The following DRICH1 variants were observed in gnomAD, a reference collection of about 807,000 sequenced individuals.
DRICH1 encodes the protein aspartate rich 1.
Under a neutral mutation model 39.5 loss-of-function variants are expected in DRICH1, and 38 were observed. That is an observed-to-expected ratio of 0.96 (90% CI 0.74 to 1.26). The LOEUF (loss-of-function observed/expected upper bound fraction) is 1.26. Ranked by LOEUF, DRICH1 falls within the 50% of genes most tolerant of loss-of-function variation. The pLI is 0.00. For synonymous variants in DRICH1, 84 were observed against 99.5 expected (o/e 0.84, Z 0.93); for missense variants, 279 against 270.4 (o/e 1.03, Z -0.22).
At chr22:23,590,234 G>A in the DRICH1 span, among the ~76,000 whole-genome samples, 10 of 151,518 alleles carry the variant, frequency 6.6e-5, no homozygotes, top group African/African-American at 2.2e-4. Context: ...TTCTAGCATC[G>A]TTGCATTGTA....
At chr22:23,601,660 G>C in the DRICH1 span, among the ~76,000 whole-genome samples, 2,039 of 150,654 alleles carry the variant, frequency 0.014, 14 homozygotes, top group Middle Eastern at 0.034. Flanking sequence ...TCTCCTGGCT[G>C]TGATCCGTTA....
the DRICH1 span, among the ~76,000 whole-genome samples, chr22:23,590,715 C>T: frequency 6.6e-6 from 1 of 152,326 alleles, no homozygotes; most frequent in Admixed American, 6.5e-5. Context: ...TCTCCCGCCT[C>T]AGCCTCCCAA....
At chr22:23,604,146 A>G (rs1926611226), downstream of DRICH1, among the ~76,000 whole-genome samples, 1 of 151,928 alleles carries the variant, frequency 6.6e-6, no homozygotes, top group African/African-American at 2.4e-5. Flanking sequence ...GGTCTCATCG[A>G]TTCCCTGCAA....
chr22:23,608,740 CCTGGTCAG>C lies in DRICH1; in HGVS notation c.*16_*23del. 1 of 1,557,396 alleles carries C rather than the reference CCTGGTCAG, an allele frequency of 6.4e-7. No individual in the cohort carries two copies. Among genetic ancestry groups the C allele is most frequent in the Non-Finnish European group, 8.7e-7 (1 of 1,149,478 alleles). On this transcript the variant is annotated 3_prime_UTR_variant, in exon 12 of 12. Transcript: ENST00000317749. ...GCTGGCCTGCCCTTTGGGTCAGCAC[CCTGGTCAG>C]CTCCACAGAAGGGCTTCACCCTGGA...
At chr22:23,602,999 A>G in the DRICH1 span, among the ~76,000 whole-genome samples, 1 of 146,606 alleles carries the variant, frequency 6.8e-6, no homozygotes, top group East Asian at 2.0e-4. Flanking sequence ...CTCCATGAAC[A>G]CATTTACTTT....
At chr22:23,612,974 T>C (rs1038629795) in intron 11 of DRICH1, among the ~76,000 whole-genome samples, 17 of 152,172 alleles carry the variant, frequency 1.1e-4, no homozygotes, top group African/African-American at 4.1e-4. Context: ...TGCTTAGGCC[T>C]ATACCCCTTG....
At chr22:23,598,446 G>T in the DRICH1 span, among the ~76,000 whole-genome samples, 1 of 152,066 alleles carries the variant, frequency 6.6e-6, no homozygotes, top group African/African-American at 2.4e-5. Flanking sequence ...CGTGTACAGA[G>T]GAGGAAACTG....
the DRICH1 span, among the ~76,000 whole-genome samples, chr22:23,584,015 T>G: frequency 4.6e-5 from 7 of 152,230 alleles, no homozygotes; most frequent in Admixed American, 1.3e-4. Flanking sequence ...ACCCTGCACC[T>G]GCCATGGCCT....
In DRICH1 at chr22:23,619,400, AGAAATG is replaced by A. The variant is rs1422874771; in HGVS notation, c.407-13_407-8del. On this transcript the variant is annotated splice_polypyrimidine_tract_variant and splice_region_variant and intron_variant, in intron 5 of 11. Coordinates refer to ENST00000317749, the MANE Select transcript of DRICH1 (RefSeq NM_016449.4). ...TCAAACCGGTAACAGCCACCTGCGGAGAAATGGAAAAGTTAATCTAAGACTTTAAGG... is the reference window on the plus strand; with the variant it reads ...TCAAACCGGTAACAGCCACCTGCGGAGAAAAGTTAATCTAAGACTTTAAGG... The A allele has an allele frequency of 1.3e-6, 1 of 780,390 alleles. No homozygotes were observed. The highest frequency in any genetic ancestry group is 2.4e-6 in the Non-Finnish European group (1 of 417,776). 48.3% of individuals were successfully genotyped at this position (780,390 alleles called of 1,614,324 possible).
chr22:23,583,183 G>A, the DRICH1 span: 2 of 152,232 alleles, frequency 1.3e-5, no homozygotes, highest in East Asian at 1.9e-4. Context: ...ACTTCTTGCT[G>A]GAAGTTTGGA....
chr22:23,582,560 T>TATTATTATTATTA, the DRICH1 span, among the ~76,000 whole-genome samples: 3 of 145,956 alleles, frequency 2.1e-5, no homozygotes, highest in East Asian at 3.9e-4. Context: ...AGGGGCTTAT[T>TATTATTATTATTA]ATTATTATTA....
the DRICH1 span, among the ~76,000 whole-genome samples, chr22:23,585,827 T>C: frequency 1.3e-5 from 2 of 152,310 alleles, no homozygotes; most frequent in African/African-American, 4.8e-5. Flanking sequence ...CGGCCATATA[T>C]TGGTTATTGA....
intron 3 of DRICH1, among the ~76,000 whole-genome samples, chr22:23,623,034 C>T (rs1927855709): frequency 6.6e-6 from 1 of 152,086 alleles, no homozygotes; most frequent in Non-Finnish European, 1.5e-5. Flanking sequence ...TGAGGAAAAG[C>T]GTGATTTTTT....
At chr22:23,591,307 G>C in the DRICH1 span, among the ~76,000 whole-genome samples, 2 of 152,058 alleles carry the variant, frequency 1.3e-5, no homozygotes, top group Non-Finnish European at 2.9e-5. Flanking sequence ...GTGGCCTCCC[G>C]CTGCAGGTCA....
chr22:23,604,797 G>A (rs1470871854), downstream of DRICH1, among the ~76,000 whole-genome samples: 4 of 152,362 alleles, frequency 2.6e-5, no homozygotes, highest in East Asian at 5.8e-4. Flanking sequence ...GGACAGGGAA[G>A]AGCTGCAGTT....
At chr22:23,587,983 C>T in the DRICH1 span, among the ~76,000 whole-genome samples, 1 of 152,192 alleles carries the variant, frequency 6.6e-6, no homozygotes, top group Admixed American at 6.5e-5. Flanking sequence ...GACATCTGGT[C>T]ACCCTGGCCT....
the DRICH1 span, among the ~76,000 whole-genome samples, chr22:23,587,978 C>G: frequency 1.3e-5 from 2 of 152,162 alleles, no homozygotes; most frequent in Non-Finnish European, 2.9e-5. Flanking sequence ...CAGGTGACAT[C>G]TGGTCACCCT....
chr22:23,623,721 G>T (rs951475171), intron 3 of DRICH1, among the ~76,000 whole-genome samples: 1 of 152,190 alleles, frequency 6.6e-6, no homozygotes, highest in African/African-American at 2.4e-5. Context: ...TAGTGTTGGT[G>T]GATGCACATT....
chr22:23,600,276 A>G, the DRICH1 span, among the ~76,000 whole-genome samples: 8,086 of 152,206 alleles, frequency 0.053, 395 homozygotes, highest in African/African-American at 0.12. Context: ...GAGGTTTGGA[A>G]GCAGCAGGTG....
Sources: allele counts gnomAD v4.1 joint callset (sites outside exome capture counted in the v4.1 genomes callset), GRCh38; gene constraint gnomAD v4.1.1; transcripts MANE v1.5; gene names NCBI Gene and HGNC (gene_info 2026-07-23, HGNC 2026-07-21).